The following CBLN2 variants were observed in gnomAD, a reference collection of about 807,000 sequenced individuals.
CBLN2 encodes cerebellin-2.
Under a neutral mutation model 15.0 loss-of-function variants are expected in CBLN2, and 7 were observed. The ratio of observed to expected loss-of-function variants is 0.47; its 90% CI spans 0.27 to 0.88. The LOEUF is 0.88. Among genes scored for constraint, CBLN2 ranks in the 40% least tolerant of loss-of-function variants. The pLI is 0.14. For missense variants in CBLN2, 242 were observed against 304.5 expected, an observed-to-expected ratio of 0.79 and a Z score of 1.53; for synonymous variants, 149 against 135.2, an observed-to-expected ratio of 1.10 and a Z score of -0.71.
chr18:72,603,117 A>G (rs535277912), intron 1 of CBLN2, among the ~76,000 whole-genome samples: 8 of 152,398 alleles, frequency 5.2e-5, no homozygotes, highest in African/African-American at 1.9e-4. Flanking sequence ...AGGCAAAATC[A>G]CAATCCTTTA....
chr18:72,618,826 A>AGT, intron 1 of CBLN2: 1 of 737,290 alleles, frequency 1.4e-6, no homozygotes, highest in South Asian at 1.3e-5. Flanking sequence ...AGAGATGGCG[A>AGT]GTGCTTCATC....
chr18:72,607,421 C>G (rs1259502164), intron 1 of CBLN2, among the ~76,000 whole-genome samples: 1 of 152,172 alleles, frequency 6.6e-6, no homozygotes, highest in African/African-American at 2.4e-5. Context: ...AGCATCTTTT[C>G]TAAGGAGAAA....
intron 1 of CBLN2, among the ~76,000 whole-genome samples, chr18:72,561,609 A>C (rs1185984553): frequency 2.6e-5 from 4 of 152,220 alleles, no homozygotes; most frequent in Non-Finnish European, 5.9e-5. Flanking sequence ...CACCAGGAGT[A>C]ATTTTGCAAT....
rs116069134 is a variant in CBLN2 at position 72,605,817 on chromosome 18, C to T, written c.15+32508G>A. 4.3e-3 allele frequency among the ~76,000 whole-genome samples: 651 copies of T among 152,356 alleles called. 5 individuals carry two copies. Among genetic ancestry groups the T allele is most frequent in the African/African-American group, 0.015 (625 of 41,582 alleles). ...AAGATGGGCCTCACGGCCCAGCCTT[C>T]CTTCTTACTCTGCTTTTAGATGTTA... is the stretch of plus-strand genomic sequence containing the variant. On this transcript the variant is annotated intron_variant, in intron 1 of 2. Coordinates refer to the CBLN2 transcript ENST00000581073.
intron 1 of CBLN2, among the ~76,000 whole-genome samples, chr18:72,562,390 T>C (rs1225940503): frequency 2.0e-5 from 3 of 152,298 alleles, no homozygotes; most frequent in South Asian, 4.1e-4. Context: ...AGCACAGGAA[T>C]GAAATCATAT....
chr18:72,570,644 G>T (rs9973041), intron 1 of CBLN2, among the ~76,000 whole-genome samples: 1 of 151,922 alleles, frequency 6.6e-6, no homozygotes, highest in Admixed American at 6.6e-5. Flanking sequence ...TGCTTGGGAA[G>T]ACTAGATAGC....
intron 1 of CBLN2, among the ~76,000 whole-genome samples, chr18:72,621,384 A>G (rs568397569): frequency 1.4e-4 from 21 of 152,290 alleles, no homozygotes; most frequent in African/African-American, 4.8e-4. Flanking sequence ...TTTGTGTTAT[A>G]TTATGTATCA....
At chr18:72,611,394 C>T (rs2069621400) in intron 1 of CBLN2, among the ~76,000 whole-genome samples, 1 of 152,170 alleles carries the variant, frequency 6.6e-6, no homozygotes, top group Admixed American at 6.5e-5. Context: ...TCTGCAGCCT[C>T]ACCAGCATGT....
Position 72,537,901 on chromosome 18 carries a change from C to G in CBLN2, c.*275G>C, listed in dbSNP as rs754478664. ...ACAATAAAATCCGATATTGACTTTA[C>G]AATCACAGGTACAAATTGCTCAAAT... is the stretch of plus-strand genomic sequence containing the variant. On this transcript the variant is annotated 3_prime_UTR_variant, in exon 5 of 5. Transcript: ENST00000269503. 1 of 482,194 alleles carries G rather than the reference C, an allele frequency of 2.1e-6. No individual in the cohort carries two copies. The highest frequency in any genetic ancestry group is 3.7e-6 in the Non-Finnish European group (1 of 267,326). The allele number at this position is 482,194 out of a possible 1,614,324, so 29.9% of individuals were successfully genotyped here.
At chr18:72,603,313 C>T (rs557726776) in intron 1 of CBLN2, among the ~76,000 whole-genome samples, 8 of 152,280 alleles carry the variant, frequency 5.3e-5, no homozygotes, top group Non-Finnish European at 1.0e-4. Context: ...TAACTGAAAT[C>T]ATCAGAATTT....
chr18:72,636,238 A>G (rs185027458), intron 1 of CBLN2, among the ~76,000 whole-genome samples: 2 of 152,322 alleles, frequency 1.3e-5, no homozygotes, highest in African/African-American at 2.4e-5. Context: ...ATTGAAAATG[A>G]CCTCACATTT....
chr18:72,630,653 T>C (rs1190383082), intron 1 of CBLN2, among the ~76,000 whole-genome samples: 1 of 151,726 alleles, frequency 6.6e-6, no homozygotes, highest in Non-Finnish European at 1.5e-5. Context: ...CAAGGACACT[T>C]AGCCTGTTGA....
intron 1 of CBLN2, among the ~76,000 whole-genome samples, chr18:72,551,555 T>C (rs1243193757): frequency 5.9e-5 from 9 of 152,146 alleles, no homozygotes. Context: ...CTACCATCCT[T>C]GCGCTCCTTG....
chr18:72,598,076 C>G (rs1425426651), intron 1 of CBLN2, among the ~76,000 whole-genome samples: 1 of 152,138 alleles, frequency 6.6e-6, no homozygotes, highest in Non-Finnish European at 1.5e-5. Flanking sequence ...GACAGAGTCC[C>G]CTTCACTGTT....
intron 1 of CBLN2, among the ~76,000 whole-genome samples, chr18:72,575,619 G>A (rs1052153062): frequency 3.9e-4 from 59 of 152,144 alleles, no homozygotes; most frequent in African/African-American, 1.3e-3. Flanking sequence ...AGGGCTGCCG[G>A]AGAAGCCGGG....
chr18:72,555,835 T>C (rs2069223683), intron 1 of CBLN2, among the ~76,000 whole-genome samples: 2 of 152,166 alleles, frequency 1.3e-5, no homozygotes. Flanking sequence ...AGTCAGTAAT[T>C]CTAGTCCCTG....
Position 72,541,863 on chromosome 18 carries a change from T to G in CBLN2, c.298A>C (p.Ser100Arg). ...ATCTCGGACGGCTCGTGGTTGGTGC[T>G]CCGCGTGGCGGAGAAGGCCACCTTG... ...SAKVAFSATR[S>R]TNHEPSEMSN... The change falls in exon 3 of 5, where the codon AGC (serine) becomes CGC (arginine). Residue 100 changes from serine (S) to arginine (R), a missense_variant. Ser to Arg is a moderately radical substitution (Grantham distance 110). Around this residue, in one of 4 missense-constraint regions of CBLN2, gnomAD observed 89 missense variants for 114.2 expected, o/e 0.78. Coordinates refer to ENST00000269503, the MANE Select transcript of CBLN2 (RefSeq NM_182511.4). 1 of 1,603,448 alleles carries G rather than the reference T, an allele frequency of 6.2e-7. No homozygotes were observed. The highest frequency in any genetic ancestry group is 1.7e-4 in the Middle Eastern group (1 of 6,038).
intron 1 of CBLN2, among the ~76,000 whole-genome samples, chr18:72,568,726 G>C (rs189390260): frequency 2.3e-4 from 35 of 152,228 alleles, no homozygotes; most frequent in Admixed American, 2.0e-3. Flanking sequence ...GTGCATCCCT[G>C]TAAGACTCCC....
intron 1 of CBLN2, among the ~76,000 whole-genome samples, chr18:72,616,415 C>A (rs1272552439): frequency 6.6e-6 from 1 of 152,062 alleles, no homozygotes; most frequent in Admixed American, 6.6e-5. Context: ...GCCTTTGGGT[C>A]CCCCTTTGCT....
Sources: gnomAD v4.1 joint callset for allele counts (sites outside exome capture counted in the v4.1 genomes callset) on GRCh38, gnomAD v4.1.1 for gene constraint, gnomAD v4.1.1 regional missense constraint, MANE v1.5 for transcripts, NCBI Gene and HGNC (gene_info 2026-07-23, HGNC 2026-07-21) for gene names.